LPIN1: variants seen among roughly 807,000 people sequenced by gnomAD.
LPIN1 encodes the protein phosphatidate phosphatase LPIN1.
LPIN1 carries 71 observed loss-of-function variants against 107.5 expected under a neutral mutation model. The ratio of observed to expected loss-of-function variants is 0.66; its 90% CI spans 0.55 to 0.80. The LOEUF (loss-of-function observed/expected upper bound fraction) is 0.80. LPIN1 is among the 30% of genes least tolerant of loss of function. LPIN1 has a pLI of 0.00. For synonymous variants in LPIN1, 445 were observed against 452.6 expected (o/e 0.98, Z 0.21); for missense variants, 1,043 against 1,160.6 (o/e 0.90, Z 1.47).
intron 1 of LPIN1, among the ~76,000 whole-genome samples, chr2:11,730,596 G>A (rs1323869294): frequency 1.3e-5 from 2 of 152,154 alleles, no homozygotes; most frequent in South Asian, 4.1e-4. Flanking sequence ...GACATCTTGT[G>A]TAGAACTGTA....
intron 1 of LPIN1, among the ~76,000 whole-genome samples, chr2:11,695,304 A>C (rs1662515547): frequency 6.6e-6 from 1 of 152,238 alleles, no homozygotes; most frequent in Non-Finnish European, 1.5e-5. Flanking sequence ...GCAAGGTACA[A>C]GGACCAGGGA....
intron 3 of LPIN1, among the ~76,000 whole-genome samples, chr2:11,770,068 A>C (rs565676805): frequency 6.6e-6 from 1 of 152,338 alleles, no homozygotes; most frequent in African/African-American, 2.4e-5. Context: ...GAAGACTCCA[A>C]AAATACTAAT....
intron 1 of LPIN1, among the ~76,000 whole-genome samples, chr2:11,735,685 G>C (rs1467858951): frequency 6.6e-6 from 1 of 152,216 alleles, no homozygotes; most frequent in African/African-American, 2.4e-5. Context: ...CTAGGTCAAC[G>C]ATGAAAGGGG....
chr2:11,733,951 A>C (rs1031323695), intron 1 of LPIN1, among the ~76,000 whole-genome samples: 1 of 152,236 alleles, frequency 6.6e-6, no homozygotes, highest in Non-Finnish European at 1.5e-5. Context: ...ATGCGATTAA[A>C]TGTCTTGACA....
chr2:11,767,030 T>G (rs975642850), intron 2 of LPIN1, among the ~76,000 whole-genome samples: 3 of 152,202 alleles, frequency 2.0e-5, no homozygotes, highest in Non-Finnish European at 4.4e-5. Flanking sequence ...ATTTTATTTC[T>G]AGTTTATTTT....
chr2:11,784,826 A>G (rs1674224357), intron 9 of LPIN1, 60 bp from the exon 10 acceptor site: 3 of 1,541,648 alleles, frequency 1.9e-6, no homozygotes, highest in African/African-American at 2.7e-5. Context: ...CTGGATGGTG[A>G]TGTAGGACCC....
At position 11,767,766 on chromosome 2, in the gene LPIN1, G is replaced by A; in HGVS notation, c.196G>A (p.Asp66Asn). ...CTTAACCATGTTTTCCCTTCAGGTT[G>A]ACATAGAAATCAATGGGGAATCTGT... is the stretch of plus-strand genomic sequence containing the variant. ...GVLRSREKVV[D>N]IEINGESVDL... The change falls in exon 3 of 21, where the codon GAC becomes AAC. Residue 66 changes from aspartate (D) to asparagine (N), a missense_variant. Coordinates refer to ENST00000674199, the MANE Select transcript of LPIN1 (RefSeq NM_001349206.2). 2 of 1,601,794 alleles carry A rather than the reference G, an allele frequency of 1.2e-6. No individual in the cohort carries two copies. The highest frequency in any genetic ancestry group is 1.7e-6 in the Non-Finnish European group (2 of 1,168,668).
chr2:11,738,607 A>G (rs1666028746), intron 1 of LPIN1, among the ~76,000 whole-genome samples: 1 of 151,610 alleles, frequency 6.6e-6, no homozygotes, highest in South Asian at 2.1e-4. Context: ...TAGGCAGAAC[A>G]GGACAGGGAT....
chr2:11,773,601 C>CT lies in LPIN1; in HGVS notation c.597-8dup, dbSNP rs754961080. 0.022 allele frequency: 24,686 copies of CT among 1,123,622 alleles called. 4 individuals are homozygous for CT. Among genetic ancestry groups the CT allele is most frequent in the Non-Finnish European group, 0.024 (19,718 of 805,074 alleles). 69.6% of individuals were successfully genotyped at this position (1,123,622 alleles called of 1,614,324 possible). A position where few individuals can be genotyped will look rare whatever the true frequency, so the allele number is the denominator to read the frequency against. On this transcript the variant is annotated intron_variant, in intron 4 of 20. Coordinates refer to ENST00000674199, the MANE Select transcript of LPIN1 (RefSeq NM_001349206.2). ...TCATTAAGAATTCTTTGACTTTAAT[C>CT]TTTTTTTTTTTCCTCCAGAACTCTT... is the stretch of plus-strand genomic sequence containing the variant.
chr2:11,753,789 C>T (rs1668245856), intron 1 of LPIN1, among the ~76,000 whole-genome samples: 1 of 152,222 alleles, frequency 6.6e-6, no homozygotes, highest in South Asian at 2.1e-4. Flanking sequence ...AAATCAATTT[C>T]ATTTTCATGC....
intron 1 of LPIN1, among the ~76,000 whole-genome samples, chr2:11,686,878 G>A (rs958693166): frequency 6.6e-6 from 1 of 152,028 alleles, no homozygotes; most frequent in Non-Finnish European, 1.5e-5. Flanking sequence ...GCTGCTGGGG[G>A]CAGAGTTTTG....
At chr2:11,740,570 G>A (rs1666238205) in intron 1 of LPIN1, among the ~76,000 whole-genome samples, 1 of 151,340 alleles carries the variant, frequency 6.6e-6, no homozygotes, top group Non-Finnish European at 1.5e-5. Context: ...TGTAATCCCA[G>A]CTACTTGGGA....
At chr2:11,815,349 A>G (rs1680392631) in intron 18 of LPIN1, 109 bp downstream of exon 18, 1 of 1,316,624 alleles carries the variant, frequency 7.6e-7, no homozygotes, top group East Asian at 2.5e-5. Context: ...CTGCCCCAAT[A>G]TCCATGCTCC....
Position 11,779,563 on chromosome 2 carries a change from TG to T in LPIN1, c.877del (p.Val293SerfsTer34). On this transcript the variant is annotated frameshift_variant, in exon 7 of 21. Coordinates refer to ENST00000674199, the MANE Select transcript of LPIN1 (RefSeq NM_001349206.2). LOFTEE classifies it high-confidence loss of function. The part of the protein sequence containing the change: ...RPSTPKSDSE[L>X]VSKSTERTGQ... ...TCAACACCTAAAAGTGATTCAGAATTGGTCAGCAAGTCCACGGAAAGGACAG... is the reference window on the plus strand; with the variant it reads ...TCAACACCTAAAAGTGATTCAGAATTGTCAGCAAGTCCACGGAAAGGACAG... 1 of 1,614,074 alleles carries T rather than the reference TG, an allele frequency of 6.2e-7. No homozygotes were observed. Among genetic ancestry groups the T allele is most frequent in the Admixed American group, 1.7e-5 (1 of 60,016 alleles).
chr2:11,806,975 G>A (rs914616139), intron 17 of LPIN1, among the ~76,000 whole-genome samples: 7 of 152,004 alleles, frequency 4.6e-5, no homozygotes, highest in East Asian at 1.9e-4. Context: ...GAATCCTGTC[G>A]TCTAGATACA....
chr2:11,753,369 G>T (rs980865742), intron 1 of LPIN1, among the ~76,000 whole-genome samples: 2 of 152,180 alleles, frequency 1.3e-5, no homozygotes, highest in African/African-American at 2.4e-5. Context: ...TATTTTGGAC[G>T]GGAATGTCTC....
At chr2:11,709,839 C>A (rs1046723771) in intron 1 of LPIN1, among the ~76,000 whole-genome samples, 25 of 152,196 alleles carry the variant, frequency 1.6e-4, no homozygotes, top group East Asian at 1.9e-4. Flanking sequence ...AAATGTTGCA[C>A]CATCAATGAA....
chr2:11,697,846 C>A lies in LPIN1; in HGVS notation c.82-15910C>A, dbSNP rs1213118546. ...AGGCCAGGGAACAAGCCCTACCGCA[C>A]ATTACATGGAAGCGAGTGTGCTCAG... On this transcript the variant is annotated intron_variant, in intron 1 of 21. Transcript: ENST00000449576. This position sits in a 1 kb window ranked among gnomAD's most constrained non-coding sequence, Gnocchi z 4.6. Among the ~76,000 whole-genome samples the A allele has an allele frequency of 3.9e-5, 6 of 152,166 alleles. No individual in the cohort carries two copies. Among genetic ancestry groups the A allele is most frequent in the African/African-American group, 1.2e-4 (5 of 41,454 alleles).
chr2:11,707,604 G>T lies in LPIN1; in HGVS notation c.82-6152G>T, dbSNP rs1304494139. On this transcript the variant is annotated intron_variant, in intron 1 of 21. Coordinates refer to the LPIN1 transcript ENST00000449576. The surrounding 1 kb of genome is among the most constrained non-coding windows in gnomAD (Gnocchi z 4.2). ...TGGCTGTGGAGCCATTGCTGGAGCT[G>T]CGGGAGAGAGCAGCGTGGCTGGGAC... Among the ~76,000 whole-genome samples the T allele has an allele frequency of 6.6e-6, 1 of 152,212 alleles. No homozygotes were observed. The highest frequency in any genetic ancestry group is 2.4e-5 in the African/African-American group (1 of 41,454).
Sources: allele counts gnomAD v4.1 joint callset (sites outside exome capture counted in the v4.1 genomes callset), GRCh38; gene constraint gnomAD v4.1.1; non-coding constraint Gnocchi (gnomAD v3.1); transcripts MANE v1.5; gene names NCBI Gene and HGNC (gene_info 2026-07-23, HGNC 2026-07-21).